MEX3D: variants seen among roughly 807,000 people sequenced by gnomAD.
MEX3D encodes the protein mex-3 RNA binding family member D.
In MEX3D, 4 loss-of-function variants were observed where a neutral mutation model predicts 6.3. The observed-to-expected ratio is 0.64, with a 90% CI of 0.31 to 1.46. The LOEUF (loss-of-function observed/expected upper bound fraction) is 1.46. MEX3D is among the 40% of genes most tolerant of loss of function. MEX3D has a pLI of 0.07. For missense variants in MEX3D, 1,038 were observed against 994.4 expected (o/e 1.04, Z -0.59); for synonymous variants, 626 against 494.1 (o/e 1.27, Z -3.54).
In MEX3D at chr19:1,568,129, C is replaced by T. The variant is rs1166819235; in HGVS notation, c.-71G>A. The T allele has an allele frequency of 4.7e-5, 46 of 977,730 alleles. No individual in the cohort carries two copies. Among genetic ancestry groups the T allele is most frequent in the Non-Finnish European group, 5.4e-5 (45 of 826,744 alleles). The allele number at this position is 977,730 out of a possible 1,614,324, so 60.6% of individuals were successfully genotyped here. On this transcript the variant is annotated 5_prime_UTR_variant, in exon 1 of 2. Transcript: ENST00000402693. ...CGCCGCCGCCCGCGCCGCCCTCCGC[C>T]TCTGCGAGCTGGGCCGCCGGCCGCC... is the stretch of plus-strand genomic sequence containing the variant.
intron 1 of MEX3D, among the ~76,000 whole-genome samples, chr19:1,562,829 A>G (rs867441139): frequency 1.3e-5 from 2 of 152,114 alleles, no homozygotes; most frequent in East Asian, 3.9e-4. Context: ...GGCCTGGCCA[A>G]CATGGCGAAA....
At position 1,556,747 on chromosome 19, in the gene MEX3D, C is replaced by T. The variant is rs762451611; in HGVS notation, c.772G>A (p.Gly258Arg). 5.6e-6 allele frequency: 9 copies of T among 1,612,136 alleles called. No individual in the cohort carries two copies. Among genetic ancestry groups the T allele is most frequent in the Non-Finnish European group, 6.8e-6 (8 of 1,179,580 alleles). ...SIIRATRSKA[G>R]GLPGAAQGPP... ...CCCTGGGCGGCGCCGGGCAGACCCC[C>T]GGCCTTGCTGCGCGTGGCGCGGATG... Residue 258 changes from glycine to arginine, a missense_variant, in exon 2 of 2, where the codon GGG becomes AGG. Physicochemically the swap from Gly to Arg is moderately radical, Grantham distance 125. Transcript: ENST00000402693. This position sits in a 1 kb window ranked among gnomAD's most constrained non-coding sequence, Gnocchi z 7.5.
chr19:1,559,542 A>C (rs766571306), intron 1 of MEX3D, among the ~76,000 whole-genome samples: 3 of 152,194 alleles, frequency 2.0e-5, no homozygotes, highest in Non-Finnish European at 4.4e-5. Context: ...CTGGGATGAC[A>C]GGTGTGGGCC....
intron 1 of MEX3D, among the ~76,000 whole-genome samples, chr19:1,561,575 GT>G (rs1159498994): frequency 6.6e-6 from 1 of 152,146 alleles, no homozygotes; most frequent in Non-Finnish European, 1.5e-5. Context: ...GCTCACACCC[GT>G]ACGTAGTTCC....
Position 1,555,592 on chromosome 19 carries a change from C to G in MEX3D, c.1927G>C (p.Ala643Pro), listed in dbSNP as rs1568263160. ...GAAAAGATATGAATGGCCTGGGTGG[C>G]CGGCGTGCGGCAGGCGGGACACTCG... ...EPECPACRTPATQAIHIFS is the reference protein window; with the variant it reads ...EPECPACRTPPTQAIHIFS The change falls in exon 2 of 2, where the codon GCC (alanine) becomes CCC (proline). Residue 643 changes from alanine (A) to proline (P), a missense_variant. By Grantham distance (27) the Ala-to-Pro change is conservative. Around this residue, in one of 5 missense-constraint regions of MEX3D, gnomAD observed 581 missense variants for 516.2 expected, o/e 1.13. Transcript: ENST00000402693. The G allele has an allele frequency of 2.5e-6, 4 of 1,589,750 alleles. No homozygotes were observed. The highest frequency in any genetic ancestry group is 3.4e-6 in the Non-Finnish European group (4 of 1,170,218).
At position 1,555,223 on chromosome 19, in the gene MEX3D, G is replaced by T; in HGVS notation, c.*340C>A. The stretch of plus-strand genomic sequence containing the variant: ...GAGCGCTGGAAAAGTCGTGTTTTTT[G>T]TTTTGCTTTTTTAAAGATCACCCTG... On this transcript the variant is annotated 3_prime_UTR_variant, in exon 2 of 2. Coordinates refer to ENST00000402693, the MANE Select transcript of MEX3D (RefSeq NM_203304.4). 7 of 1,162,550 alleles carry T rather than the reference G, an allele frequency of 6.0e-6. No homozygotes were observed. The highest frequency in any genetic ancestry group is 6.1e-5 in the Admixed American group (2 of 32,556). The allele number at this position is 1,162,550 out of a possible 1,614,324, so 72.0% of individuals were successfully genotyped here. A position where few individuals can be genotyped will look rare whatever the true frequency, so the allele number is the denominator to read the frequency against.
At position 1,568,044 on chromosome 19, in the gene MEX3D, G is replaced by T; in HGVS notation, c.15C>A (p.Leu5=). The part of the protein sequence containing the change: MPSS[L]GQPDGGGGGG... Reference sequence around the variant, plus strand: ...CGCCCCCGCCGCCGTCGGGCTGGCCGAGCGAGCTGGGCATGGCGGGAGCTA... The same window carrying T: ...CGCCCCCGCCGCCGTCGGGCTGGCCTAGCGAGCTGGGCATGGCGGGAGCTA... Residue 5 remains leucine, a synonymous_variant, in exon 1 of 2, where the codon CTC becomes CTA. Transcript: ENST00000402693. 1.0e-6 allele frequency: 1 copy of T among 977,818 alleles called. No homozygotes were observed. Among genetic ancestry groups the T allele is most frequent in the East Asian group, 1.2e-4 (1 of 8,426 alleles). The allele number at this position is 977,818 out of a possible 1,614,324, so 60.6% of individuals were successfully genotyped here. A position where few individuals can be genotyped will look rare whatever the true frequency, so the allele number is the denominator to read the frequency against.
At chr19:1,564,625 G>A (rs958206332) in intron 1 of MEX3D, among the ~76,000 whole-genome samples, 1 of 151,976 alleles carries the variant, frequency 6.6e-6, no homozygotes, top group Non-Finnish European at 1.5e-5. Context: ...ACCACAGTCT[G>A]CCCAGAAAGC....
At position 1,556,911 on chromosome 19, in the gene MEX3D, T is replaced by G. The variant is rs1457642552; in HGVS notation, c.608A>C (p.Lys203Thr). 4 of 1,605,516 alleles carry G rather than the reference T, an allele frequency of 2.5e-6. No homozygotes were observed. Among genetic ancestry groups the G allele is most frequent in the Non-Finnish European group, 3.4e-6 (4 of 1,177,240 alleles). ...GGTGTTTGTCTTGGCCCGCAGGGCC[T>G]TGATCTTGCAGCCTGTCCGGGAGGG... Reference protein sequence around the residue: ...EIVGRQGCKIKALRAKTNTYI... With the variant: ...EIVGRQGCKITALRAKTNTYI... The change falls in exon 2 of 2, where the codon AAG (lysine) becomes ACG (threonine). Residue 203 changes from lysine to threonine, a missense_variant. Physicochemically the swap from Lys to Thr is moderately conservative, Grantham distance 78. Coordinates refer to ENST00000402693, the MANE Select transcript of MEX3D (RefSeq NM_203304.4). This position sits in a 1 kb window ranked among gnomAD's most constrained non-coding sequence, Gnocchi z 7.5.
At chr19:1,566,190 G>A (rs1914834702) in intron 1 of MEX3D, among the ~76,000 whole-genome samples, 1 of 152,194 alleles carries the variant, frequency 6.6e-6, no homozygotes, top group Non-Finnish European at 1.5e-5. Flanking sequence ...GCAGCCAGCA[G>A]GACTGAGACA....
intron 1 of MEX3D, among the ~76,000 whole-genome samples, chr19:1,564,771 CAGGGA>C (rs1914799462): frequency 6.6e-6 from 1 of 151,904 alleles, no homozygotes; most frequent in Admixed American, 6.6e-5. Context: ...TCCTGGCCTC[CAGGGA>C]AGGGGTAACC....
rs1223172004 is a variant in MEX3D at position 1,556,405 on chromosome 19, G to A, written c.1114C>T (p.Leu372Phe). Reference protein sequence around the residue: ...CLDLLGAAASLWAKTPNQGRR... With the variant: ...CLDLLGAAASFWAKTPNQGRR... ...CCCTGGTTGGGGGTCTTGGCCCAGA[G>A]GCTGGCGGCCGCCCCGAGCAGGTCC... Residue 372 changes from leucine to phenylalanine, a missense_variant, in exon 2 of 2, where the codon CTC becomes TTC. Around this residue, in one of 5 missense-constraint regions of MEX3D, gnomAD observed 581 missense variants for 516.2 expected, o/e 1.13. Transcript: ENST00000402693. This position sits in a 1 kb window ranked among gnomAD's most constrained non-coding sequence, Gnocchi z 7.5. 6.4e-7 allele frequency: 1 copy of A among 1,572,318 alleles called. No individual in the cohort carries two copies. The highest frequency in any genetic ancestry group is 8.6e-7 in the Non-Finnish European group (1 of 1,166,280).
chr19:1,565,264 G>A (rs373122660), intron 1 of MEX3D, among the ~76,000 whole-genome samples: 33 of 152,236 alleles, frequency 2.2e-4, no homozygotes, highest in East Asian at 3.9e-4. Context: ...AAAACTGGCC[G>A]TGCGCAGTGG....
At chr19:1,565,649 C>T (rs759663970) in intron 1 of MEX3D, among the ~76,000 whole-genome samples, 7 of 152,190 alleles carry the variant, frequency 4.6e-5, no homozygotes, top group Non-Finnish European at 8.8e-5. Flanking sequence ...AGGGCCACGG[C>T]GGCCTGCAGG....
intron 1 of MEX3D, among the ~76,000 whole-genome samples, chr19:1,565,979 G>A (rs1423710996): frequency 6.6e-6 from 1 of 152,264 alleles, no homozygotes; most frequent in African/African-American, 2.4e-5. Flanking sequence ...ACCACCTGGA[G>A]GCTCAGGCTC....
chr19:1,566,426 C>G (rs980813024), intron 1 of MEX3D, among the ~76,000 whole-genome samples: 2 of 152,180 alleles, frequency 1.3e-5, no homozygotes, highest in African/African-American at 2.4e-5. Flanking sequence ...CCCAGCCCCC[C>G]ACACCTTTCT....
At chr19:1,557,858 CAAAAAAAAAAAAAAAAAAAAAAAA>C (rs550036323) in intron 1 of MEX3D, among the ~76,000 whole-genome samples, 10 of 4,004 alleles carry the variant, frequency 2.5e-3, no homozygotes, top group East Asian at 0.013. Flanking sequence ...GAGACTGTCT[CAAAAAAAAAAAAAAAAAAAAAAAA>C]AAAAAAAAAA....
At position 1,556,215 on chromosome 19, in the gene MEX3D, C is replaced by A. The variant is rs1439752402; in HGVS notation, c.1304G>T (p.Gly435Val). The A allele has an allele frequency of 7.7e-6, 11 of 1,427,094 alleles. No homozygotes were observed. Among genetic ancestry groups the A allele is most frequent in the Non-Finnish European group, 9.2e-6 (10 of 1,091,326 alleles). The allele number at this position is 1,427,094 out of a possible 1,614,324, so 88.4% of individuals were successfully genotyped here. A position where few individuals can be genotyped will look rare whatever the true frequency, so the allele number is the denominator to read the frequency against. The stretch of plus-strand genomic sequence containing the variant: ...CACCGGGGCACCGGGACCCTCCGCG[C>A]CGAAGGCGAAGCCCCCGTTGCCGGA... ...SGSGNGGFAF[G>V]AEGPGAPVGT... The change falls in exon 2 of 2, where the codon GGC becomes GTC. Residue 435 changes from glycine to valine, a missense_variant. By Grantham distance (109) the Gly-to-Val change is moderately radical. Coordinates refer to ENST00000402693, the MANE Select transcript of MEX3D (RefSeq NM_203304.4). This position sits in a 1 kb window ranked among gnomAD's most constrained non-coding sequence, Gnocchi z 7.5.
chr19:1,565,701 C>T (rs1914822083), intron 1 of MEX3D, among the ~76,000 whole-genome samples: 1 of 152,188 alleles, frequency 6.6e-6, no homozygotes, highest in African/African-American at 2.4e-5. Flanking sequence ...CCCCACTGTA[C>T]CCCAGGGCCT....
Sources: allele counts gnomAD v4.1 joint callset (sites outside exome capture counted in the v4.1 genomes callset), GRCh38; gene constraint gnomAD v4.1.1; regional missense constraint gnomAD v4.1.1; non-coding constraint Gnocchi (gnomAD v3.1); transcripts MANE v1.5; gene names NCBI Gene and HGNC (gene_info 2026-07-23, HGNC 2026-07-21).